The following LRRC4C variants were observed in gnomAD, a reference collection of about 807,000 sequenced individuals.
The protein encoded by LRRC4C is leucine rich repeat containing 4C, also known as leucine-rich repeat-containing protein 4C.
LRRC4C carries 5 observed loss-of-function variants against 33.6 expected under a neutral mutation model. The ratio of observed to expected loss-of-function variants is 0.15; its 90% CI spans 0.08 to 0.31. The LOEUF is 0.31. LRRC4C is among the 10% of genes least tolerant of loss of function. The probability of loss-of-function intolerance (pLI) is 1.00; values close to 1 mark genes in which losing one functional copy is unlikely to be tolerated. For missense variants in LRRC4C, 560 were observed against 796.7 expected (o/e 0.70, Z 3.58); for synonymous variants, 329 against 302.0 (o/e 1.09, Z -0.93).
At chr11:40,612,688 T>C (rs374765381) in intron 3 of LRRC4C, among the ~76,000 whole-genome samples, 1 of 151,924 alleles carries the variant, frequency 6.6e-6, no homozygotes, top group African/African-American at 2.4e-5. Context: ...ACACTATCCA[T>C]ATGCACATAC....
At chr11:40,969,544 C>G (rs1436951451) in intron 1 of LRRC4C, among the ~76,000 whole-genome samples, 3 of 151,756 alleles carry the variant, frequency 2.0e-5, no homozygotes, top group Admixed American at 2.0e-4. Flanking sequence ...AAAAAATTAC[C>G]TTAGCCACCC....
At chr11:41,006,587 T>C (rs911867067) in intron 1 of LRRC4C, among the ~76,000 whole-genome samples, 15 of 152,152 alleles carry the variant, frequency 9.9e-5, no homozygotes, top group Admixed American at 4.6e-4. Context: ...CATATTTGTC[T>C]AGCTTAGTGT....
At chr11:41,111,412 C>T (rs1363738236) in intron 1 of LRRC4C, among the ~76,000 whole-genome samples, 1 of 152,006 alleles carries the variant, frequency 6.6e-6, no homozygotes, top group Non-Finnish European at 1.5e-5. Flanking sequence ...GTGAACATAG[C>T]TTTGAATTCA....
chr11:40,616,457 ATG>A (rs1565563317), intron 3 of LRRC4C, among the ~76,000 whole-genome samples: 5 of 151,752 alleles, frequency 3.3e-5, no homozygotes, highest in African/African-American at 9.7e-5. Flanking sequence ...AGACACATGC[ATG>A]CATATGTTTA....
chr11:40,351,330 T>C (rs868035575), intron 3 of LRRC4C, among the ~76,000 whole-genome samples: 1 of 152,058 alleles, frequency 6.6e-6, no homozygotes, highest in African/African-American at 2.4e-5. Flanking sequence ...ATGTGTTCTA[T>C]CCTTGAGAAT....
chr11:40,795,399 G>A (rs770747105), intron 2 of LRRC4C, among the ~76,000 whole-genome samples: 17 of 152,030 alleles, frequency 1.1e-4, no homozygotes, highest in Non-Finnish European at 2.1e-4. Flanking sequence ...GCGTGGTGGC[G>A]GGTGCCTGTA....
At chr11:40,237,827 A>G (rs1865670212) in intron 5 of LRRC4C, among the ~76,000 whole-genome samples, 1 of 152,160 alleles carries the variant, frequency 6.6e-6, no homozygotes. Context: ...ACGATATCCT[A>G]TACCACCGAA....
At chr11:40,214,849 C>T (rs995704232) in intron 5 of LRRC4C, among the ~76,000 whole-genome samples, 31 of 152,078 alleles carry the variant, frequency 2.0e-4, no homozygotes, top group African/African-American at 7.2e-4. Context: ...TTTTTTTCCC[C>T]GCTAAGCCAT....
intron 3 of LRRC4C, among the ~76,000 whole-genome samples, chr11:40,633,518 A>T (rs1341559910): frequency 9.9e-5 from 15 of 151,228 alleles, no homozygotes; most frequent in Admixed American, 9.9e-4. Flanking sequence ...CCCCCCTAGT[A>T]GCTGGGATTA....
At chr11:41,144,271 C>T (rs1943636794) in intron 1 of LRRC4C, among the ~76,000 whole-genome samples, 2 of 152,008 alleles carry the variant, frequency 1.3e-5, no homozygotes, top group South Asian at 4.1e-4. Context: ...CCAAGGTAGC[C>T]CCAAAGCAGT....
At chr11:40,749,789 G>A (rs973753344) in intron 2 of LRRC4C, among the ~76,000 whole-genome samples, 2 of 151,994 alleles carry the variant, frequency 1.3e-5, no homozygotes. Flanking sequence ...CATCACAACT[G>A]ATGTCAAGGA....
intron 3 of LRRC4C, among the ~76,000 whole-genome samples, chr11:40,322,619 A>C (rs753801067): frequency 2.0e-5 from 3 of 152,162 alleles, no homozygotes; most frequent in African/African-American, 4.8e-5. Context: ...CATAGGTTGC[A>C]GAAGACCTTG....
intron 1 of LRRC4C, among the ~76,000 whole-genome samples, chr11:41,135,889 C>A (rs1196276160): frequency 7.9e-5 from 12 of 152,182 alleles, no homozygotes; most frequent in Non-Finnish European, 1.8e-4. Flanking sequence ...ACATATCAAG[C>A]TGACATCCAG....
At chr11:40,945,029 T>C (rs980933323) in intron 1 of LRRC4C, among the ~76,000 whole-genome samples, 19 of 146,188 alleles carry the variant, frequency 1.3e-4, no homozygotes, top group South Asian at 6.6e-4. Flanking sequence ...TTTTCTTTTT[T>C]TTTTTTTTTT....
intron 5 of LRRC4C, among the ~76,000 whole-genome samples, chr11:40,180,531 GC>G (rs201400629): frequency 0.028 from 4,285 of 152,260 alleles, 69 homozygotes; most frequent in Middle Eastern, 0.054. Flanking sequence ...CAAATCAATA[GC>G]ACTGAGGGAC....
At chr11:40,813,713 G>A (rs1476807936) in intron 2 of LRRC4C, among the ~76,000 whole-genome samples, 1 of 152,100 alleles carries the variant, frequency 6.6e-6, no homozygotes, top group Non-Finnish European at 1.5e-5. Context: ...AAGCACGATA[G>A]TTACTTACTA....
At chr11:40,224,781 G>T (rs1257035082) in intron 5 of LRRC4C, among the ~76,000 whole-genome samples, 1 of 152,134 alleles carries the variant, frequency 6.6e-6, no homozygotes, top group Non-Finnish European at 1.5e-5. Context: ...CTTAATTGGA[G>T]TCATCAATGA....
chr11:41,270,333 C>G (rs944657449), intron 1 of LRRC4C, among the ~76,000 whole-genome samples: 1 of 152,002 alleles, frequency 6.6e-6, no homozygotes, highest in Non-Finnish European at 1.5e-5. Context: ...AAAGAAGGTT[C>G]CTTGCTTTAT....
chr11:40,359,999 T>C (rs553285270), intron 3 of LRRC4C, among the ~76,000 whole-genome samples: 1 of 152,288 alleles, frequency 6.6e-6, no homozygotes, highest in Non-Finnish European at 1.5e-5. Context: ...ATTAAAGTGG[T>C]TACTGCTGAA....
Sources: allele counts gnomAD v4.1 joint callset (sites outside exome capture counted in the v4.1 genomes callset), GRCh38; gene constraint gnomAD v4.1.1; transcripts MANE v1.5; gene names NCBI Gene and HGNC (gene_info 2026-07-23, HGNC 2026-07-21).